Variants in UNC5D observed in about 807,000 individuals in gnomAD.
UNC5D encodes the protein unc-5 netrin receptor D, also known as netrin receptor UNC5D.
In UNC5D, 39 loss-of-function variants were observed where a neutral mutation model predicts 105.4. The observed-to-expected ratio is 0.37, with a 90% CI of 0.29 to 0.48. The LOEUF (loss-of-function observed/expected upper bound fraction) is 0.48, where lower values mean the gene tolerates loss of function less well. Ranked by LOEUF, UNC5D falls within the 20% of genes least tolerant of loss-of-function variation. The pLI is 0.98. For missense variants in UNC5D, 991 were observed against 1,202.4 expected, an observed-to-expected ratio of 0.82 and a Z score of 2.60; for synonymous variants, 452 against 450.4, an observed-to-expected ratio of 1.00 and a Z score of -0.04.
At position 35,544,343 on chromosome 8, in the gene UNC5D, C is replaced by T. The variant is rs1815486029; in HGVS notation, c.104-4949C>T. 6.5e-6 allele frequency: 10 copies of T among 1,544,392 alleles called. No homozygotes were observed. In the South Asian group the frequency reaches 1.2e-4, roughly 19 times the overall value. ...TGTAAGAAGGAAGATGCAGCTGTAT[C>T]AGTGAGGAACGTTTTCTGCCACAAA... is the stretch of plus-strand genomic sequence containing the variant. On this transcript the variant is annotated intron_variant, in intron 1 of 16. Coordinates refer to ENST00000404895, the MANE Select transcript of UNC5D (RefSeq NM_080872.4).
intron 1 of UNC5D, among the ~76,000 whole-genome samples, chr8:35,309,143 C>T (rs1011482479): frequency 6.6e-6 from 1 of 152,158 alleles, no homozygotes; most frequent in Non-Finnish European, 1.5e-5. Flanking sequence ...CCTTCAAACA[C>T]TTGTGAAATG....
intron 1 of UNC5D, among the ~76,000 whole-genome samples, chr8:35,395,757 A>G (rs544045364): frequency 3.9e-5 from 6 of 152,300 alleles, no homozygotes; most frequent in Non-Finnish European, 8.8e-5. Flanking sequence ...AAAAATCTGC[A>G]GGCACTTCCT....
intron 1 of UNC5D, among the ~76,000 whole-genome samples, chr8:35,400,771 C>T (rs1158803603): frequency 2.6e-5 from 4 of 152,306 alleles, no homozygotes; most frequent in African/African-American, 9.6e-5. Flanking sequence ...TCCTTCGTCA[C>T]CCCTCTCATT....
chr8:35,252,110 C>A (rs1158842969), intron 1 of UNC5D, among the ~76,000 whole-genome samples: 2 of 151,108 alleles, frequency 1.3e-5, no homozygotes, highest in Non-Finnish European at 2.9e-5. Context: ...CAGGCTCTGC[C>A]CCACGGGGTT....
chr8:35,670,762 G>C (rs532258698), intron 4 of UNC5D, among the ~76,000 whole-genome samples: 4 of 150,458 alleles, frequency 2.7e-5, no homozygotes, highest in Non-Finnish European at 5.9e-5. Flanking sequence ...TAATGCATGT[G>C]GGCCATAAAA....
At chr8:35,747,136 TC>T (rs777825794) in intron 11 of UNC5D, among the ~76,000 whole-genome samples, 2 of 152,184 alleles carry the variant, frequency 1.3e-5, no homozygotes, top group Non-Finnish European at 2.9e-5. Context: ...TAAAGACATC[TC>T]CAGGGCTTCT....
At chr8:35,286,449 A>G (rs1331208426) in intron 1 of UNC5D, among the ~76,000 whole-genome samples, 1 of 152,186 alleles carries the variant, frequency 6.6e-6, no homozygotes, top group Admixed American at 6.5e-5. Flanking sequence ...TTCTAAGCCA[A>G]TGATTATGGA....
chr8:35,632,601 T>C (rs1822112464), intron 4 of UNC5D, among the ~76,000 whole-genome samples: 1 of 152,162 alleles, frequency 6.6e-6, no homozygotes, highest in Non-Finnish European at 1.5e-5. Flanking sequence ...AGAGGAGAAA[T>C]TGGATTTTCC....
chr8:35,608,197 A>G (rs750553), intron 4 of UNC5D, among the ~76,000 whole-genome samples: 6,612 of 152,284 alleles, frequency 0.043, 196 homozygotes, highest in Non-Finnish European at 0.059. Context: ...TTAAAAATGT[A>G]TATGCTTTTT....
intron 13 of UNC5D, among the ~76,000 whole-genome samples, chr8:35,757,167 T>A (rs190289718): frequency 3.3e-5 from 5 of 152,290 alleles, no homozygotes; most frequent in Admixed American, 6.5e-5. Context: ...TATGCTGCTA[T>A]CTTCAATTTA....
chr8:35,715,706 C>G (rs1828216277), intron 8 of UNC5D, among the ~76,000 whole-genome samples: 1 of 151,732 alleles, frequency 6.6e-6, no homozygotes. Flanking sequence ...GGGCAAGGCC[C>G]AGCTGTGGAG....
At chr8:35,620,418 C>G (rs1387774626) in intron 4 of UNC5D, among the ~76,000 whole-genome samples, 1 of 152,194 alleles carries the variant, frequency 6.6e-6, no homozygotes, top group Non-Finnish European at 1.5e-5. Context: ...GATAGCCCAT[C>G]AAAGGTTCTT....
chr8:35,416,242 G>A (rs112861698), intron 1 of UNC5D, among the ~76,000 whole-genome samples: 3,264 of 152,092 alleles, frequency 0.021, 66 homozygotes, highest in Non-Finnish European at 0.03. Flanking sequence ...GTGTAGGGAT[G>A]GCACCTGCTG....
At chr8:35,255,921 GA>G (rs1192322429) in intron 1 of UNC5D, 3 of 152,148 alleles carry the variant, frequency 2.0e-5, no homozygotes, top group African/African-American at 7.2e-5. Context: ...AAATAATTAA[GA>G]GGTAGAAAAT....
intron 1 of UNC5D, among the ~76,000 whole-genome samples, chr8:35,461,374 C>A (rs887824727): frequency 1.3e-5 from 2 of 151,980 alleles, no homozygotes; most frequent in African/African-American, 4.8e-5. Flanking sequence ...CTATGCTACA[C>A]GCGTGTGAAA....
intron 1 of UNC5D, among the ~76,000 whole-genome samples, chr8:35,516,772 A>C (rs920341292): frequency 6.6e-6 from 1 of 152,150 alleles, no homozygotes; most frequent in African/African-American, 2.4e-5. Context: ...TCCCAAGAAG[A>C]GCTTTACCAT....
intron 4 of UNC5D, among the ~76,000 whole-genome samples, chr8:35,645,344 G>T (rs1279352781): frequency 6.6e-6 from 1 of 152,130 alleles, no homozygotes; most frequent in African/African-American, 2.4e-5. Flanking sequence ...ATTAATTATT[G>T]AATCCATTGG....
At chr8:35,732,157 A>C (rs1417499433) in intron 11 of UNC5D, among the ~76,000 whole-genome samples, 1 of 152,216 alleles carries the variant, frequency 6.6e-6, no homozygotes, top group Non-Finnish European at 1.5e-5. Context: ...CACATGAAAG[A>C]AAAACACTGG....
At chr8:35,738,624 G>T (rs771758569) in intron 11 of UNC5D, among the ~76,000 whole-genome samples, 3 of 152,174 alleles carry the variant, frequency 2.0e-5, no homozygotes, top group Non-Finnish European at 4.4e-5. Context: ...CAATTCCTTT[G>T]AGTCTATCTC....
Sources: allele counts gnomAD v4.1 joint callset (sites outside exome capture counted in the v4.1 genomes callset), GRCh38; gene constraint gnomAD v4.1.1; transcripts MANE v1.5; gene names NCBI Gene and HGNC (gene_info 2026-07-23, HGNC 2026-07-21).